The following HDGFL3 variants were observed in gnomAD, a reference collection of about 807,000 sequenced individuals.
HDGFL3 encodes HDGF like 3.
In HDGFL3, 6 loss-of-function variants were observed where a neutral mutation model predicts 27.6. The ratio of observed to expected loss-of-function variants is 0.22; its 90% CI spans 0.12 to 0.43. The LOEUF (loss-of-function observed/expected upper bound fraction) is 0.43, where lower values mean the gene tolerates loss of function less well. HDGFL3 is among the 20% of genes least tolerant of loss of function. The probability of loss-of-function intolerance (pLI) is 1.00; values close to 1 mark genes in which losing one functional copy is unlikely to be tolerated. For missense variants in HDGFL3, 207 were observed against 250.1 expected, an observed-to-expected ratio of 0.83 and a Z score of 1.16; for synonymous variants, 88 against 88.9, an observed-to-expected ratio of 0.99 and a Z score of 0.05.
chr15:83,156,469 A>G (rs778753774), intron 4 of HDGFL3, among the ~76,000 whole-genome samples: 16 of 152,224 alleles, frequency 1.1e-4, no homozygotes, highest in Non-Finnish European at 2.1e-4. Context: ...TCTGGAATAG[A>G]CTAGGTGATC....
chr15:83,153,955 G>T (rs1175756053), intron 4 of HDGFL3, among the ~76,000 whole-genome samples: 1 of 151,894 alleles, frequency 6.6e-6, no homozygotes, highest in Non-Finnish European at 1.5e-5. Context: ...CTGGAATGTA[G>T]TAAAAAAAAG....
In HDGFL3 at chr15:83,207,216, C is replaced by T. The variant is rs907263629; in HGVS notation, c.84+115G>A. 1.7e-5 allele frequency: 12 copies of T among 701,502 alleles called. No individual in the cohort carries two copies. The Admixed American group carries it at 5.3e-4, about 31-fold the overall frequency. 43.5% of individuals were successfully genotyped at this position (701,502 alleles called of 1,614,324 possible). On this transcript the variant is annotated intron_variant, in intron 1 of 5. Transcript: ENST00000299633. This position sits in a 1 kb window ranked among gnomAD's most constrained non-coding sequence, Gnocchi z 4.8. ...GCCGCGCCGCCCTCAGCCCTCACCACAGCCGGCCGCGAGCTGCGGGCTCGG... is the reference window on the plus strand; with the variant it reads ...GCCGCGCCGCCCTCAGCCCTCACCATAGCCGGCCGCGAGCTGCGGGCTCGG...
chr15:83,117,062 G>T (rs1442095194), intron 3 of HDGFL3, among the ~76,000 whole-genome samples: 4 of 152,216 alleles, frequency 2.6e-5, no homozygotes, highest in Admixed American at 2.6e-4. Context: ...GTACTCAGAG[G>T]AGGAATTAAG....
intron 4 of HDGFL3, among the ~76,000 whole-genome samples, chr15:83,156,189 C>G (rs1366718714): frequency 2.0e-5 from 3 of 152,180 alleles, no homozygotes. Context: ...AGCTTTGATG[C>G]TACATTCCTT....
intron 1 of HDGFL3, among the ~76,000 whole-genome samples, chr15:83,196,314 A>G (rs983255383): frequency 2.6e-5 from 4 of 151,798 alleles, no homozygotes; most frequent in Admixed American, 6.6e-5. Flanking sequence ...TACAAAAACC[A>G]TTTTTTAAAA....
intron 2 of HDGFL3, among the ~76,000 whole-genome samples, chr15:83,162,297 A>C (rs1272589386): frequency 6.6e-6 from 1 of 152,154 alleles, no homozygotes; most frequent in Non-Finnish European, 1.5e-5. Context: ...TTAGTAACTA[A>C]GTTCAGTAGA....
chr15:83,190,919 A>G (rs2037503820), intron 1 of HDGFL3, among the ~76,000 whole-genome samples: 1 of 152,230 alleles, frequency 6.6e-6, no homozygotes, highest in African/African-American at 2.4e-5. Flanking sequence ...CGATTTTTGT[A>G]CATGGTGTGA....
At chr15:83,153,336 A>G (rs1414364655) in intron 4 of HDGFL3, among the ~76,000 whole-genome samples, 1 of 152,070 alleles carries the variant, frequency 6.6e-6, no homozygotes, top group East Asian at 1.9e-4. Flanking sequence ...TTCTCATAAT[A>G]ATGAACAACT....
intron 1 of HDGFL3, among the ~76,000 whole-genome samples, chr15:83,165,790 A>G (rs1441526624): frequency 6.3e-5 from 8 of 127,910 alleles, no homozygotes; most frequent in African/African-American, 2.2e-4. Flanking sequence ...GCAAGAATCC[A>G]TCTCAAAAAA....
intron 1 of HDGFL3, among the ~76,000 whole-genome samples, chr15:83,176,647 G>A (rs930490487): frequency 2.0e-5 from 3 of 152,102 alleles, no homozygotes; most frequent in African/African-American, 7.2e-5. Flanking sequence ...CAAAACAAAG[G>A]CTTATAGACT....
chr15:83,180,753 C>T (rs1411591437), intron 1 of HDGFL3: 7 of 145,940 alleles, frequency 4.8e-5, no homozygotes, highest in Non-Finnish European at 8.9e-5. Context: ...TCAAGCGATT[C>T]TCCTGCTTTA....
At chr15:83,181,584 T>C (rs1403275474) in intron 1 of HDGFL3, among the ~76,000 whole-genome samples, 16 of 152,196 alleles carry the variant, frequency 1.1e-4, no homozygotes, top group Non-Finnish European at 1.0e-4. Flanking sequence ...CAAGTGGTTC[T>C]CCTGCCTCAG....
chr15:83,119,617 T>G (rs1302802512), intron 3 of HDGFL3: 1 of 1,614,122 alleles, frequency 6.2e-7, no homozygotes, highest in African/African-American at 1.3e-5. Flanking sequence ...GCACATGATC[T>G]GCTACTGGGA....
chr15:83,151,255 G>C lies in HDGFL3; in HGVS notation c.566C>G (p.Thr189Arg), dbSNP rs1347160614. 1.2e-6 allele frequency: 2 copies of C among 1,613,098 alleles called. No individual in the cohort carries two copies. Among genetic ancestry groups the C allele is most frequent in the South Asian group, 2.2e-5 (2 of 90,998 alleles). ...SSEGGDAGNDTRNTTSDLQKT... is the reference protein window; with the variant it reads ...SSEGGDAGNDRRNTTSDLQKT... The stretch of plus-strand genomic sequence containing the variant: ...CTGCAAGTCTGAAGTTGTGTTTCTT[G>C]TGTCGTTGCCCGCATCTCCACCCTC... The change falls in exon 5 of 6, where the codon ACA becomes AGA. Residue 189 changes from threonine to arginine, a missense_variant. Transcript: ENST00000299633.
chr15:83,125,674 A>G (rs73455413), downstream of HDGFL3, among the ~76,000 whole-genome samples: 6,490 of 152,320 alleles, frequency 0.043, 387 homozygotes, highest in East Asian at 0.13. Flanking sequence ...AATTATATTC[A>G]GCTTCAGTGA....
At chr15:83,156,290 C>T (rs749877450) in intron 4 of HDGFL3, among the ~76,000 whole-genome samples, 18 of 152,152 alleles carry the variant, frequency 1.2e-4, no homozygotes, top group African/African-American at 2.2e-4. Context: ...GCCACCCTAT[C>T]TAAAATAGGG....
exon 4 of HDGFL3, chr15:83,113,161 T>TTGACCTC (rs532881743): frequency 5.6e-6 from 3 of 538,928 alleles, no homozygotes; most frequent in African/African-American, 1.9e-5. Context: ...CCAGCATGCT[T>TTGACCTC]TGACCTCTGA....
intron 5 of HDGFL3, among the ~76,000 whole-genome samples, chr15:83,143,382 C>T (rs933711564): frequency 4.0e-5 from 6 of 151,848 alleles, no homozygotes; most frequent in Admixed American, 2.0e-4. Flanking sequence ...GTCTGGAGTT[C>T]GAGACCAGCC....
intron 1 of HDGFL3, among the ~76,000 whole-genome samples, chr15:83,197,701 G>C (rs892782616): frequency 3.9e-5 from 6 of 152,076 alleles, no homozygotes; most frequent in African/African-American, 1.2e-4. Flanking sequence ...CATCAGCCAC[G>C]GAACACTAGT....
Sources: gnomAD v4.1 joint callset for allele counts (sites outside exome capture counted in the v4.1 genomes callset) on GRCh38, gnomAD v4.1.1 for gene constraint, Gnocchi (gnomAD v3.1) non-coding constraint, MANE v1.5 for transcripts, NCBI Gene and HGNC (gene_info 2026-07-23, HGNC 2026-07-21) for gene names.